The following OR10S1 variants were observed in gnomAD, a reference collection of about 807,000 sequenced individuals.
OR10S1 encodes the protein olfactory receptor 10S1.
For missense variants in OR10S1, 415 were observed against 407.9 expected (o/e 1.02, Z -0.15); for synonymous variants, 167 against 164.1 (o/e 1.02, Z -0.13).
exon 1 of OR10S1, chr11:123,977,640 T>C (rs755261842): frequency 1.2e-6 from 2 of 1,604,840 alleles, no homozygotes. Context: ...ACAGTCTGGT[T>C]GGGGTTCTCC....
rs144396739 is a variant in OR10S1 at position 123,976,706 on chromosome 11, G to T, written c.959C>A (p.Pro320Gln). The change falls in exon 1 of 1, where the codon CCA becomes CAA. Residue 320 changes from proline (P) to glutamine (Q), a missense_variant. Pro to Gln is a moderately conservative substitution (Grantham distance 76). Coordinates refer to ENST00000641123, the Ensembl canonical transcript of OR10S1. ...TTTTGATAGCACAGACTATGGGGGT[G>T]GGCTGCCTGCTGTAGACTCTCGGAA... The T allele has an allele frequency of 1.6e-4, 262 of 1,608,830 alleles. No individual in the cohort carries two copies. In the African/African-American group the frequency reaches 2.9e-3, roughly 18 times the overall value.
At chr11:123,977,626 C>T (rs1863733953) in exon 1 of OR10S1, 1 of 1,607,006 alleles carries the variant, frequency 6.2e-7, no homozygotes, top group African/African-American at 1.3e-5. Context: ...AGAAGTGGCT[C>T]ACCACAGTCT....
exon 1 of OR10S1, chr11:123,977,365 C>G: frequency 6.2e-7 from 1 of 1,614,126 alleles, no homozygotes; most frequent in Non-Finnish European, 8.5e-7. Context: ...CGGCACAGCC[C>G]TCAAAGGAGA....
exon 1 of OR10S1, chr11:123,977,578 G>A (rs752496595): frequency 5.3e-5 from 86 of 1,613,186 alleles, no homozygotes; most frequent in Non-Finnish European, 6.7e-5. Flanking sequence ...GGAAGAAGAG[G>A]CTAGAATGTT....
chr11:123,977,402 C>A, exon 1 of OR10S1: 6 of 1,614,098 alleles, frequency 3.7e-6, no homozygotes, highest in Non-Finnish European at 4.2e-6. Context: ...AGTCAGCAGG[C>A]CTGCCATGAC....
At chr11:123,977,361 A>G in exon 1 of OR10S1, 1 of 1,614,178 alleles carries the variant, frequency 6.2e-7, no homozygotes, top group Non-Finnish European at 8.5e-7. Flanking sequence ...TGTACGGCAC[A>G]GCCCTCAAAG....
chr11:123,976,931 G>T (rs267602749), exon 1 of OR10S1: 1 of 1,614,010 alleles, frequency 6.2e-7, no homozygotes, highest in East Asian at 2.2e-5. Context: ...GGCAGTGCAG[G>T]GGGAGAAGGC....
exon 1 of OR10S1, chr11:123,977,008 G>A (rs762795875): frequency 4.3e-6 from 7 of 1,614,148 alleles, no homozygotes; most frequent in Non-Finnish European, 5.9e-6. Context: ...AGGAAATAAC[G>A]ATGAGGATGA....
Position 123,977,514 on chromosome 11 carries a change from G to A in OR10S1, c.151C>T (p.Leu51=), listed in dbSNP as rs112409724. Residue 51 remains leucine, a synonymous_variant, in exon 1 of 1, where the codon CTA becomes TTA. Coordinates refer to ENST00000641123, the Ensembl canonical transcript of OR10S1. The stretch of plus-strand genomic sequence containing the variant: ...AGGTGAGAGTCAGAGCCCACAGTTA[G>A]GAGGATGAGGAGATTCCCAGCCACA... The A allele has an allele frequency of 2.9e-5, 46 of 1,613,964 alleles. 1 individual carries two copies. In the African/African-American group the frequency reaches 4.3e-4, roughly 15 times the overall value.
exon 1 of OR10S1, chr11:123,977,072 G>A (rs1443221376): frequency 2.5e-6 from 4 of 1,614,114 alleles, no homozygotes; most frequent in African/African-American, 1.3e-5. Flanking sequence ...CTCATTAATG[G>A]TGGTGTCTGT....
chr11:123,977,729 G>C, exon 1 of OR10S1: 4 of 1,556,806 alleles, frequency 2.6e-6, no homozygotes, highest in Non-Finnish European at 3.5e-6. Flanking sequence ...GGAATAAATA[G>C]CTGTATCCCT....
At chr11:123,977,563 G>C (rs768110985) in exon 1 of OR10S1, 13 of 1,613,846 alleles carry the variant, frequency 8.1e-6, no homozygotes, top group Non-Finnish European at 1.1e-5. Flanking sequence ...TGAGGAGGAA[G>C]AGGAGGAAGA....
chr11:123,977,485 GC>G lies in OR10S1; in HGVS notation c.179del (p.Ser60ThrfsTer21), dbSNP rs1287122135. 6.2e-7 allele frequency: 1 copy of G among 1,613,956 alleles called. No individual in the cohort carries two copies. Among genetic ancestry groups the G allele is most frequent in the Non-Finnish European group, 8.5e-7 (1 of 1,179,984 alleles). ...GCCCCAGGAAGTGGTACATGGGTAA[GC>G]TGAGGTGAGAGTCAGAGCCCACAGT... On this transcript the variant is annotated frameshift_variant, in exon 1 of 1. Transcript: ENST00000641123. LOFTEE classifies it low-confidence loss of function (END_TRUNC).
exon 1 of OR10S1, chr11:123,976,673 A>G (rs1218152759): frequency 1.3e-6 from 2 of 1,559,750 alleles, no homozygotes; most frequent in South Asian, 2.4e-5. Flanking sequence ...TGGCAGGCAA[A>G]TTGTGAGTTT....
At chr11:123,977,055 T>C (rs753962957) in exon 1 of OR10S1, 6 of 1,614,198 alleles carry the variant, frequency 3.7e-6, no homozygotes, top group Non-Finnish European at 4.2e-6. Flanking sequence ...CTGGCAAGCA[T>C]GACTAGCTCA....
exon 1 of OR10S1, chr11:123,977,676 C>G (rs575104063): frequency 6.2e-7 from 1 of 1,600,144 alleles, no homozygotes; most frequent in South Asian, 1.1e-5. Context: ...TTCTCACACA[C>G]AGAGCGGCTA....
At chr11:123,977,264 G>A (rs753211375) in exon 1 of OR10S1, 3 of 1,614,082 alleles carry the variant, frequency 1.9e-6, no homozygotes, top group Non-Finnish European at 2.5e-6. Flanking sequence ...GTAGTGCAGG[G>A]GTTGACAGAT....
chr11:123,977,452 G>A (rs765942640), exon 1 of OR10S1: 21 of 1,614,060 alleles, frequency 1.3e-5, no homozygotes, highest in Middle Eastern at 1.6e-4. Flanking sequence ...CATCCAGGAA[G>A]GAGAGGTGCC....
At chr11:123,977,043 T>A (rs759579299) in exon 1 of OR10S1, 1 of 1,614,188 alleles carries the variant, frequency 6.2e-7, no homozygotes, top group Admixed American at 1.7e-5. Flanking sequence ...ACGATGCCAA[T>A]GCTGGCAAGC....
Sources: allele counts gnomAD v4.1 joint callset, GRCh38; gene constraint gnomAD v4.1.1; transcripts MANE v1.5; gene names NCBI Gene and HGNC (gene_info 2026-07-23, HGNC 2026-07-21).